The following SEPSECS variants were observed in gnomAD, a reference collection of about 807,000 sequenced individuals.
SEPSECS encodes the protein O-phosphoseryl-tRNA(Sec) selenium transferase.
Under a neutral mutation model 52.1 loss-of-function variants are expected in SEPSECS, and 42 were observed. The observed-to-expected ratio is 0.81, with a 90% CI of 0.63 to 1.04. SEPSECS has a LOEUF of 1.04. Among genes scored for constraint, SEPSECS ranks in the 50% least tolerant of loss-of-function variants. SEPSECS has a pLI of 0.00. For synonymous variants in SEPSECS, 216 were observed against 211.4 expected (o/e 1.02, Z -0.19); for missense variants, 590 against 610.6 (o/e 0.97, Z 0.36).
At chr4:25,140,917 T>TG (rs958925051) in intron 8 of SEPSECS, among the ~76,000 whole-genome samples, 13 of 60,432 alleles carry the variant, frequency 2.2e-4, no homozygotes, top group South Asian at 6.0e-4. Flanking sequence ...TGAAAATATT[T>TG]GAAAAAAAAA....
At chr4:25,138,588 C>T (rs1397520702) in intron 8 of SEPSECS, among the ~76,000 whole-genome samples, 1 of 151,630 alleles carries the variant, frequency 6.6e-6, no homozygotes, top group Non-Finnish European at 1.5e-5. Flanking sequence ...TACAAAAGAT[C>T]AGAAATAAAC....
intron 8 of SEPSECS, 39 bp downstream of exon 8, chr4:25,144,735 A>T: frequency 7.3e-7 from 1 of 1,375,432 alleles, no homozygotes; most frequent in Non-Finnish European, 1.0e-6. Context: ...GCACAGTTCT[A>T]GTCAAGAATG....
chr4:25,124,371 C>A lies in SEPSECS; in HGVS notation c.1212-146G>T, dbSNP rs1728273946. 1.1e-5 allele frequency: 8 copies of A among 703,990 alleles called. No individual in the cohort carries two copies. In the East Asian group the frequency reaches 2.2e-4, roughly 19 times the overall value. 43.6% of individuals were successfully genotyped at this position (703,990 alleles called of 1,614,324 possible). ...ACAAATCATGGCCTACAAAAATAGACTGTATCGACTTTAAAATGAAATTCT... is the reference window on the plus strand; with the variant it reads ...ACAAATCATGGCCTACAAAAATAGAATGTATCGACTTTAAAATGAAATTCT... On this transcript the variant is annotated intron_variant, in intron 10 of 10. Coordinates refer to ENST00000382103, the MANE Select transcript of SEPSECS (RefSeq NM_016955.4).
Position 25,160,351 on chromosome 4 carries a change from C to G in SEPSECS, c.19G>C (p.Ala7Pro). The G allele has an allele frequency of 6.5e-7, 1 of 1,548,730 alleles. No individual in the cohort carries two copies. Among genetic ancestry groups the G allele is most frequent in the Non-Finnish European group, 8.7e-7 (1 of 1,145,440 alleles). The change falls in exon 1 of 11, where the codon GCG becomes CCG. Residue 7 changes from alanine (A) to proline (P), a missense_variant. By Grantham distance (27) the Ala-to-Pro change is conservative (BLOSUM62 -1). Coordinates refer to ENST00000382103, the MANE Select transcript of SEPSECS (RefSeq NM_016955.4). The part of the protein sequence containing the change: MNRESF[A>P]AGERLVSPAY... ...GGCGACACCAGCCGCTCTCCCGCCG[C>G]GAAGCTCTCGCGGTTCATGACAGCG...
At chr4:25,125,550 C>T (rs911055391) in intron 10 of SEPSECS, 144 bp downstream of exon 10, 4 of 692,492 alleles carry the variant, frequency 5.8e-6, no homozygotes, top group Admixed American at 4.1e-5. Context: ...CTTACAGATT[C>T]TCTAACTCAT....
At chr4:25,127,478 C>T (rs533428656) in intron 8 of SEPSECS, 121 bp from the exon 9 acceptor site, 2 of 710,852 alleles carry the variant, frequency 2.8e-6, no homozygotes, top group African/African-American at 3.5e-5. Context: ...TGCCTTAAGA[C>T]CAATTCTCTC....
At chr4:25,152,501 C>T (rs1489380665) in intron 5 of SEPSECS, among the ~76,000 whole-genome samples, 1 of 151,846 alleles carries the variant, frequency 6.6e-6, no homozygotes, top group Non-Finnish European at 1.5e-5. Context: ...CATTAAACAT[C>T]TCATAAAATA....
At chr4:25,134,320 A>G (rs1177215136) in intron 8 of SEPSECS, among the ~76,000 whole-genome samples, 5 of 145,000 alleles carry the variant, frequency 3.4e-5, no homozygotes, top group Non-Finnish European at 7.5e-5. Flanking sequence ...ATCTTTAAAA[A>G]TGTGTGTGTG....
At chr4:25,153,222 A>C (rs1318624299) in intron 5 of SEPSECS, among the ~76,000 whole-genome samples, 1 of 151,946 alleles carries the variant, frequency 6.6e-6, no homozygotes, top group Non-Finnish European at 1.5e-5. Flanking sequence ...GATGTTTTTA[A>C]CAAAATAGAC....
chr4:25,131,734 C>T (rs1178282823), intron 8 of SEPSECS, among the ~76,000 whole-genome samples: 1 of 152,124 alleles, frequency 6.6e-6, no homozygotes, highest in Non-Finnish European at 1.5e-5. Context: ...TTAGTTTGTC[C>T]CCCAGTTCTT....
Position 25,152,019 on chromosome 4 carries a change from G to T in SEPSECS, c.745C>A (p.His249Asn). ...ACTCCATAAGCATTATTAACTATAT[G>T]TGGAATGTCATAATTAGCACAAATC... ...AVICANYDIP[H>N]IVNNAYGVQS... is the part of the protein sequence containing the mutation. Residue 249 changes from histidine (H) to asparagine (N), a missense_variant, in exon 6 of 11, where the codon CAT (histidine) becomes AAT (asparagine). His to Asn is a moderately conservative substitution (Grantham distance 68, BLOSUM62 1). Coordinates refer to ENST00000382103, the MANE Select transcript of SEPSECS (RefSeq NM_016955.4). 1 of 1,600,382 alleles carries T rather than the reference G, an allele frequency of 6.2e-7. No individual in the cohort carries two copies.
At chr4:25,125,291 CT>C (rs563569949) in intron 10 of SEPSECS, 98 of 171,294 alleles carry the variant, frequency 5.7e-4, no homozygotes, top group South Asian at 1.8e-3. Flanking sequence ...ATTGCATACT[CT>C]TTTTTTTTAG....
At chr4:25,150,587 A>AC (rs1431584073) in intron 6 of SEPSECS, among the ~76,000 whole-genome samples, 2 of 152,250 alleles carry the variant, frequency 1.3e-5, no homozygotes, top group African/African-American at 4.8e-5. Flanking sequence ...TAAAAAAAAA[A>AC]CACTGCCTAT....
chr4:25,130,904 A>C (rs1728580365), intron 8 of SEPSECS, among the ~76,000 whole-genome samples: 3 of 152,198 alleles, frequency 2.0e-5, no homozygotes, highest in Non-Finnish European at 2.9e-5. Flanking sequence ...GTAAAGAAAG[A>C]AATTTATAAG....
At chr4:25,129,422 G>A (rs1037931414) in intron 8 of SEPSECS, among the ~76,000 whole-genome samples, 5 of 151,646 alleles carry the variant, frequency 3.3e-5, no homozygotes, top group Non-Finnish European at 5.9e-5. Flanking sequence ...TCAGGAGTTC[G>A]AGACCAGCCT....
chr4:25,132,527 T>C (rs1009148864), intron 8 of SEPSECS, among the ~76,000 whole-genome samples: 12 of 152,178 alleles, frequency 7.9e-5, no homozygotes, highest in Non-Finnish European at 1.6e-4. Flanking sequence ...ATATATGCAA[T>C]TATGGTTTAT....
At chr4:25,151,900 T>C in intron 6 of SEPSECS, 60 bp downstream of exon 6, 1 of 912,954 alleles carries the variant, frequency 1.1e-6, no homozygotes, top group South Asian at 1.3e-5. Flanking sequence ...AAAGTAATAA[T>C]CCTATAATAT....
intron 5 of SEPSECS, among the ~76,000 whole-genome samples, chr4:25,153,086 A>T: frequency 6.6e-6 from 1 of 151,936 alleles, no homozygotes; most frequent in East Asian, 1.9e-4. Flanking sequence ...TTTGCCTCAG[A>T]CCAAAAACAA....
At chr4:25,144,901 G>GT (rs1711866286) in intron 7 of SEPSECS, 36 bp from the exon 8 acceptor site, 3 of 1,592,296 alleles carry the variant, frequency 1.9e-6, no homozygotes, top group Non-Finnish European at 2.6e-6. Flanking sequence ...TAAGACTGTG[G>GT]TGGGGGGGTA....
Sources: gnomAD v4.1 joint callset for allele counts (sites outside exome capture counted in the v4.1 genomes callset) on GRCh38, gnomAD v4.1.1 for gene constraint, MANE v1.5 for transcripts, NCBI Gene and HGNC (gene_info 2026-07-23, HGNC 2026-07-21) for gene names.